The following GNAQ variants were observed in gnomAD, a reference collection of about 807,000 sequenced individuals.
GNAQ encodes G protein subunit alpha q, also known as guanine nucleotide-binding protein G(q) subunit alpha.
GNAQ carries 8 observed loss-of-function variants against 43.9 expected under a neutral mutation model. The observed-to-expected ratio is 0.18, with a 90% CI of 0.11 to 0.33. The LOEUF is 0.33. GNAQ is among the 10% of genes least tolerant of loss of function. The pLI, the probability that GNAQ is intolerant of heterozygous loss-of-function variation, is 1.00. For synonymous variants in GNAQ, 155 were observed against 170.7 expected (o/e 0.91, Z 0.71); for missense variants, 158 against 450.8 (o/e 0.35, Z 5.88).
At chr9:77,727,139 T>C (rs1319153518) in intron 6 of GNAQ, among the ~76,000 whole-genome samples, 1 of 151,122 alleles carries the variant, frequency 6.6e-6, no homozygotes, top group Non-Finnish European at 1.5e-5. Flanking sequence ...GGCAGGAGTA[T>C]AGTGGCAGGA....
At position 77,906,569 on chromosome 9, in the gene GNAQ, G is replaced by C. The variant is rs144586601; in HGVS notation, c.321+15592C>G. 1.8e-3 allele frequency among the ~76,000 whole-genome samples: 269 copies of C among 152,014 alleles called. 1 individual carries two copies. The highest frequency in any genetic ancestry group is 2.7e-3 in the Non-Finnish European group (183 of 67,974). Reference sequence around the variant, plus strand: ...AAAAAAGTACTTGTGATATATACTCGATTAAAAAAAATCACTATTTTGTAT... The same window carrying C: ...AAAAAAGTACTTGTGATATATACTCCATTAAAAAAAATCACTATTTTGTAT... On this transcript the variant is annotated intron_variant, in intron 2 of 6. Coordinates refer to ENST00000286548, the MANE Select transcript of GNAQ (RefSeq NM_002072.5).
intron 5 of GNAQ, among the ~76,000 whole-genome samples, chr9:77,790,508 A>T (rs1826550994): frequency 1.3e-5 from 2 of 152,250 alleles, no homozygotes; most frequent in South Asian, 2.1e-4. Context: ...GTTTAAAGAT[A>T]GTTCAAAATC....
chr9:77,968,732 AAAGGC>A (rs1307147006), intron 1 of GNAQ, among the ~76,000 whole-genome samples: 1 of 152,246 alleles, frequency 6.6e-6, no homozygotes, highest in African/African-American at 2.4e-5. Flanking sequence ...GTACCAAACC[AAAGGC>A]AAGACAGTGC....
intron 5 of GNAQ, among the ~76,000 whole-genome samples, chr9:77,785,754 AGTTT>A (rs1826467144): frequency 6.6e-6 from 1 of 152,332 alleles, no homozygotes; most frequent in African/African-American, 2.4e-5. Context: ...TCAATTAGAT[AGTTT>A]GTTATAAAAG....
intron 3 of GNAQ, among the ~76,000 whole-genome samples, chr9:77,805,818 T>C (rs1003999162): frequency 3.3e-5 from 5 of 152,216 alleles, no homozygotes; most frequent in African/African-American, 1.2e-4. Context: ...TTCTGGAGGA[T>C]AAAAGAGAAG....
intron 2 of GNAQ, among the ~76,000 whole-genome samples, chr9:77,916,830 C>G (rs1424367205): frequency 2.6e-5 from 4 of 151,994 alleles, no homozygotes; most frequent in Admixed American, 6.5e-5. Flanking sequence ...TCTTAGACAA[C>G]TGTCTTAAAA....
intron 2 of GNAQ, among the ~76,000 whole-genome samples, chr9:77,852,841 T>C (rs1827692315): frequency 6.6e-6 from 1 of 152,176 alleles, no homozygotes; most frequent in Non-Finnish European, 1.5e-5. Flanking sequence ...ACATTACTCC[T>C]TCATCCCTAC....
At chr9:77,815,571 GAAGTA>G in intron 3 of GNAQ, 40 bp downstream of exon 3, 3 of 1,263,490 alleles carry the variant, frequency 2.4e-6, no homozygotes, top group Non-Finnish European at 3.4e-6. Context: ...CCTCCACATG[GAAGTA>G]AAGAGAAAAA....
chr9:77,793,760 A>G (rs1826613804), intron 5 of GNAQ, among the ~76,000 whole-genome samples: 1 of 152,100 alleles, frequency 6.6e-6, no homozygotes, highest in Non-Finnish European at 1.5e-5. Context: ...ACATCCCTTA[A>G]TATATTCCAT....
intron 2 of GNAQ, among the ~76,000 whole-genome samples, chr9:77,868,547 C>G (rs560658184): frequency 2.0e-5 from 3 of 152,294 alleles, no homozygotes; most frequent in Non-Finnish European, 4.4e-5. Context: ...CCTGTAATCC[C>G]AGCACTTTGG....
chr9:78,010,269 C>T (rs905664451), intron 1 of GNAQ, among the ~76,000 whole-genome samples: 1 of 152,168 alleles, frequency 6.6e-6, no homozygotes, highest in Non-Finnish European at 1.5e-5. Flanking sequence ...GTCATGAGGC[C>T]AACTTCAATT....
chr9:77,772,558 G>C (rs1437368551), intron 5 of GNAQ, among the ~76,000 whole-genome samples: 4 of 152,100 alleles, frequency 2.6e-5, no homozygotes, highest in Non-Finnish European at 5.9e-5. Context: ...CTTTTCTCTT[G>C]GGTTGCAAGG....
chr9:77,957,285 G>A (rs1354228095), intron 1 of GNAQ, among the ~76,000 whole-genome samples: 1 of 152,078 alleles, frequency 6.6e-6, no homozygotes, highest in Non-Finnish European at 1.5e-5. Context: ...GAACACGGGA[G>A]GTGGAAGTTG....
At chr9:77,987,258 T>C (rs2118511759) in intron 1 of GNAQ, among the ~76,000 whole-genome samples, 1 of 152,288 alleles carries the variant, frequency 6.6e-6, no homozygotes, top group Admixed American at 6.5e-5. Flanking sequence ...TGAGTATCTC[T>C]TTGGGTCTGC....
At chr9:77,814,812 G>C (rs1826986312) in intron 3 of GNAQ, among the ~76,000 whole-genome samples, 1 of 152,146 alleles carries the variant, frequency 6.6e-6, no homozygotes, top group Non-Finnish European at 1.5e-5. Flanking sequence ...GGCAGATGCT[G>C]TATTAATATA....
At chr9:78,010,989 T>A (rs1406798818) in intron 1 of GNAQ, among the ~76,000 whole-genome samples, 1 of 152,114 alleles carries the variant, frequency 6.6e-6, no homozygotes. Context: ...ACATATTTAC[T>A]GGAAAAGTTG....
chr9:77,757,250 C>T (rs992241492), intron 5 of GNAQ, among the ~76,000 whole-genome samples: 1 of 152,198 alleles, frequency 6.6e-6, no homozygotes, highest in Non-Finnish European at 1.5e-5. Flanking sequence ...ATAAGCACGA[C>T]AAACAAGCCC....
intron 2 of GNAQ, among the ~76,000 whole-genome samples, chr9:77,882,033 G>A (rs904326865): frequency 2.0e-5 from 3 of 152,150 alleles, no homozygotes; most frequent in Non-Finnish European, 4.4e-5. Flanking sequence ...AGTTACTTGA[G>A]AGGCTGCGGC....
intron 1 of GNAQ, among the ~76,000 whole-genome samples, chr9:77,938,030 C>A (rs1829257971): frequency 6.6e-6 from 1 of 152,168 alleles, no homozygotes; most frequent in Admixed American, 6.5e-5. Flanking sequence ...CACCCCTCCA[C>A]CGATACCAAA....
Sources: gnomAD v4.1 joint callset for allele counts (sites outside exome capture counted in the v4.1 genomes callset) on GRCh38, gnomAD v4.1.1 for gene constraint, MANE v1.5 for transcripts, NCBI Gene and HGNC (gene_info 2026-07-23, HGNC 2026-07-21) for gene names.